VAC14: variants seen among roughly 807,000 people sequenced by gnomAD.
VAC14 encodes the protein VAC14 component of PIKFYVE complex.
A neutral mutation model predicts 85.3 loss-of-function variants in VAC14; 47 were observed. The ratio of observed to expected loss-of-function variants is 0.55; its 90% CI spans 0.44 to 0.70. The LOEUF is 0.70. Ranked by LOEUF, VAC14 falls within the 30% of genes least tolerant of loss-of-function variation. VAC14 has a pLI of 0.00. For synonymous variants in VAC14, 447 were observed against 430.5 expected, an observed-to-expected ratio of 1.04 and a Z score of -0.47; for missense variants, 861 against 1,004.3, an observed-to-expected ratio of 0.86 and a Z score of 1.93.
chr16:70,716,531 A>G (rs2054170631), intron 14 of VAC14: 2 of 152,272 alleles, frequency 1.3e-5, no homozygotes, highest in Non-Finnish European at 1.5e-5. Flanking sequence ...AAATATTTAC[A>G]GGAGAAATCA....
chr16:70,719,417 G>A (rs1380589050), intron 14 of VAC14, among the ~76,000 whole-genome samples: 3 of 152,122 alleles, frequency 2.0e-5, no homozygotes, highest in Non-Finnish European at 4.4e-5. Context: ...TTCATCAAAG[G>A]ACATCATTAA....
At chr16:70,736,281 C>T (rs1375050515) in intron 13 of VAC14, among the ~76,000 whole-genome samples, 1 of 152,232 alleles carries the variant, frequency 6.6e-6, no homozygotes, top group Non-Finnish European at 1.5e-5. Flanking sequence ...ACAGTCTGCA[C>T]TCAGTACACG....
chr16:70,732,914 G>A (rs1304637540), intron 13 of VAC14, among the ~76,000 whole-genome samples: 2 of 152,080 alleles, frequency 1.3e-5, no homozygotes, highest in Non-Finnish European at 2.9e-5. Flanking sequence ...CTCCCAAAGT[G>A]CTGGGATTAC....
chr16:70,713,624 G>A (rs1171315532), intron 14 of VAC14, among the ~76,000 whole-genome samples: 1 of 152,086 alleles, frequency 6.6e-6, no homozygotes, highest in African/African-American at 2.4e-5. Context: ...TGAGTCAGAT[G>A]TCTGCTCCTC....
chr16:70,754,600 C>T lies in VAC14; in HGVS notation c.1371+7940G>A, dbSNP rs530690669. ...GACAGAGGGCAGTGTCCCCTGCCCACGGCAGGGCCAGGGGAGGGTGCCTCA... is the reference window on the plus strand; with the variant it reads ...GACAGAGGGCAGTGTCCCCTGCCCATGGCAGGGCCAGGGGAGGGTGCCTCA... On this transcript the variant is annotated intron_variant, in intron 12 of 18. Coordinates refer to ENST00000261776, the MANE Select transcript of VAC14 (RefSeq NM_018052.5). 7.9e-5 allele frequency among the ~76,000 whole-genome samples: 12 copies of T among 152,264 alleles called. No homozygotes were observed. The South Asian group carries it at 8.3e-4, about 11-fold the overall frequency.
At position 70,785,749 on chromosome 16, in the gene VAC14, C is replaced by A; in HGVS notation, c.376G>T (p.Gly126Cys). Residue 126 changes from glycine to cysteine, a missense_variant, in exon 3 of 19, where the codon GGC becomes TGC. This residue lies in a region of VAC14 where 629 missense variants were observed against 703.1 expected (regional missense o/e 0.89). Coordinates refer to ENST00000261776, the MANE Select transcript of VAC14 (RefSeq NM_018052.5). ...ACGTTGAAGTGGGGCAGCACAGCGC[C>A]CCGGGCCACCTTGACGATGTTGTAG... ...ALYNIVKVARGAVLPHFNVLF... is the reference protein window; with the variant it reads ...ALYNIVKVARCAVLPHFNVLF... The A allele has an allele frequency of 6.4e-7, 1 of 1,573,684 alleles. No homozygotes were observed. Among genetic ancestry groups the A allele is most frequent in the Non-Finnish European group, 8.6e-7 (1 of 1,158,262 alleles).
intron 1 of VAC14, among the ~76,000 whole-genome samples, chr16:70,795,426 A>G (rs2034503137): frequency 6.6e-6 from 1 of 150,926 alleles, no homozygotes; most frequent in Non-Finnish European, 1.5e-5. Context: ...CCTGAGAGGC[A>G]GAGTTTGCAG....
At chr16:70,691,896 AC>A (rs2053603331) in intron 18 of VAC14, 1 of 985,084 alleles carries the variant, frequency 1.0e-6, no homozygotes. Flanking sequence ...AAAGGCGAGC[AC>A]CCGAGGCCCT....
At chr16:70,729,577 C>T (rs1370209152) in intron 14 of VAC14, among the ~76,000 whole-genome samples, 5 of 152,100 alleles carry the variant, frequency 3.3e-5, no homozygotes, top group African/African-American at 9.7e-5. Flanking sequence ...GGTCTCACCT[C>T]CCTCACTGCC....
At chr16:70,740,870 G>A (rs959556836) in intron 13 of VAC14, among the ~76,000 whole-genome samples, 11 of 152,254 alleles carry the variant, frequency 7.2e-5, no homozygotes, top group African/African-American at 2.7e-4. Flanking sequence ...GGCCAGGCGA[G>A]AGGAAAATCC....
chr16:70,687,846 G>C lies in VAC14; in HGVS notation c.*82C>G. ...GCCCAGCCCTGGTCCTGACAGGCAG[G>C]TCCTTGAGCTCCTCGGGAGGGCGTG... On this transcript the variant is annotated 3_prime_UTR_variant, in exon 19 of 19. Transcript: ENST00000261776. The C allele has an allele frequency of 7.6e-7, 1 of 1,324,202 alleles. No homozygotes were observed. Among genetic ancestry groups the C allele is most frequent in the South Asian group, 2.1e-5 (1 of 48,726 alleles). 82.0% of individuals were successfully genotyped at this position (1,324,202 alleles called of 1,614,324 possible). A position where few individuals can be genotyped will look rare whatever the true frequency, so the allele number is the denominator to read the frequency against.
At chr16:70,726,690 G>C (rs8052171) in intron 14 of VAC14, among the ~76,000 whole-genome samples, 6 of 152,166 alleles carry the variant, frequency 3.9e-5, no homozygotes, top group Non-Finnish European at 8.8e-5. Context: ...TGGAGGGAGT[G>C]GGGGTACAGC....
rs1229535624 is a variant in VAC14, at chr16:70,762,851, G to T, written c.1305+30C>A. 4 of 1,613,852 alleles carry T rather than the reference G, an allele frequency of 2.5e-6. No individual in the cohort carries two copies. The highest frequency in any genetic ancestry group is 3.4e-6 in the Non-Finnish European group (4 of 1,179,836). ...GAAAACCAAGGCGGACCCAGAAGAG[G>T]CCCCTGGCTTGGAGGGGCCCAGGGC... On this transcript the variant is annotated intron_variant, in intron 11 of 18. Coordinates refer to ENST00000261776, the MANE Select transcript of VAC14 (RefSeq NM_018052.5). The surrounding 1 kb of genome is among the most constrained non-coding windows in gnomAD (Gnocchi z 4.1).
At chr16:70,795,569 G>A (rs2034512826) in intron 1 of VAC14, among the ~76,000 whole-genome samples, 1 of 151,638 alleles carries the variant, frequency 6.6e-6, no homozygotes, top group Admixed American at 6.6e-5. Flanking sequence ...CCACAGAGGT[G>A]GTAGGCTCCG....
At chr16:70,744,396 G>A (rs201024475) in intron 13 of VAC14, 27 bp downstream of exon 13, 5 of 1,613,772 alleles carry the variant, frequency 3.1e-6, no homozygotes, top group Middle Eastern at 3.3e-4. Flanking sequence ...AGGCCCCTGA[G>A]GCTAGAACCT....
At chr16:70,719,210 A>G (rs1278941141) in intron 14 of VAC14, among the ~76,000 whole-genome samples, 1 of 152,030 alleles carries the variant, frequency 6.6e-6, no homozygotes, top group African/African-American at 2.4e-5. Context: ...AAGAAAAAAC[A>G]CCTCTCGATT....
intron 10 of VAC14, chr16:70,770,017 C>G (rs375819514): frequency 6.6e-6 from 1 of 152,482 alleles, no homozygotes; most frequent in East Asian, 1.9e-4. Context: ...CATGTCTGTC[C>G]AGACCGTTCC....
At chr16:70,741,031 C>T (rs2030240805) in intron 13 of VAC14, among the ~76,000 whole-genome samples, 1 of 152,280 alleles carries the variant, frequency 6.6e-6, no homozygotes, top group South Asian at 2.1e-4. Context: ...CCACCGACTT[C>T]ACCTTTGCTA....
At chr16:70,722,469 G>A (rs372379069) in intron 14 of VAC14, among the ~76,000 whole-genome samples, 7 of 152,212 alleles carry the variant, frequency 4.6e-5, no homozygotes, top group Non-Finnish European at 7.3e-5. Context: ...TTTCTGTGAC[G>A]GGGCCAGGGT....
Sources: gnomAD v4.1 joint callset for allele counts (sites outside exome capture counted in the v4.1 genomes callset) on GRCh38, gnomAD v4.1.1 for gene constraint, gnomAD v4.1.1 regional missense constraint, Gnocchi (gnomAD v3.1) non-coding constraint, MANE v1.5 for transcripts, NCBI Gene and HGNC (gene_info 2026-07-23, HGNC 2026-07-21) for gene names.